The following FRMPD3 variants were observed in gnomAD, a reference collection of about 807,000 sequenced individuals.
The protein encoded by FRMPD3 is FERM and PDZ domain-containing protein 3.
A neutral mutation model predicts 97.9 loss-of-function variants in FRMPD3; 42 were observed. The ratio of observed to expected loss-of-function variants is 0.43; its 90% confidence interval spans 0.34 to 0.55. The LOEUF is 0.55. Among genes scored for constraint, FRMPD3 ranks in the 20% least tolerant of loss-of-function variants. The pLI, the probability that FRMPD3 is intolerant of heterozygous loss-of-function variation, is 0.03. For synonymous variants in FRMPD3, 577 were observed against 581.1 expected (o/e 0.99, Z 0.10); for missense variants, 1,303 against 1,457.7 (o/e 0.89, Z 1.73).
intron 13 of FRMPD3, among the ~76,000 whole-genome samples, chrX:107,592,599 A>C (rs1923957411): frequency 9.0e-6 from 1 of 110,887 alleles, no homozygotes; most frequent in African/African-American, 3.3e-5. Flanking sequence ...ATAAATATGC[A>C]TGTGCAAGTG....
In FRMPD3 at chrX:107,601,576, C is replaced by T; in HGVS notation, c.3537C>T (p.Ser1179=). ...GCCCACTGAGGTCTCAGGCTGCCAG[C>T]CGGCAGGTGAGCACCATGCCCTCTA... is the stretch of plus-strand genomic sequence containing the variant. ...GQSPLRSQAA[S]RQVSTMPSRK... is the part of the protein sequence containing the mutation. The change falls in exon 15 of 15, where the codon AGC becomes AGT. Residue 1179 remains serine (S), a synonymous_variant. Transcript: ENST00000683843. The T allele has an allele frequency of 8.3e-7, 1 of 1,203,436 alleles. No individual in the cohort carries two copies.
At chrX:107,518,760 G>T (rs1769025029) in intron 1 of FRMPD3, among the ~76,000 whole-genome samples, 1 of 112,006 alleles carries the variant, frequency 8.9e-6, no homozygotes, top group Non-Finnish European at 1.9e-5. Flanking sequence ...GAATACAGGG[G>T]CTGCAACAGA....
At chrX:107,572,006 G>A (rs1922909903) in intron 12 of FRMPD3, among the ~76,000 whole-genome samples, 1 of 112,320 alleles carries the variant, frequency 8.9e-6, no homozygotes, top group Admixed American at 9.4e-5. Context: ...TTTCCTCAAA[G>A]TACTTATCAC....
Position 107,471,008 on chromosome X carries a change from C to A in FRMPD3, c.-8+21003C>A, listed in dbSNP as rs186913103. ...ACCTGCCTTTGCTCAGAAAGCCCAG[C>A]GCTATGGGCGTGGCCAGGGAATAAG... On this transcript the variant is annotated intron_variant, in intron 1 of 14. Transcript: ENST00000683843. Among the ~76,000 whole-genome samples, 9 of 112,545 alleles carry A rather than the reference C, an allele frequency of 8.0e-5. No individual in the cohort carries two copies. The East Asian group carries it at 2.5e-3, about 32-fold the overall frequency.
At chrX:107,558,345 G>T (rs1922199533) in intron 8 of FRMPD3, among the ~76,000 whole-genome samples, 1 of 111,066 alleles carries the variant, frequency 9.0e-6, no homozygotes, top group African/African-American at 3.3e-5. Context: ...ATAGAGTTGG[G>T]GTTGGGCATG....
intron 13 of FRMPD3, among the ~76,000 whole-genome samples, chrX:107,591,369 C>A (rs1159935695): frequency 9.0e-6 from 1 of 111,293 alleles, no homozygotes; most frequent in Non-Finnish European, 1.9e-5. Flanking sequence ...GTTGGTTGGG[C>A]TGGTCTTGAA....
In FRMPD3 at chrX:107,449,842, C is replaced by G. The variant is rs1328105384; in HGVS notation, c.-171C>G. 9.2e-6 allele frequency among the ~76,000 whole-genome samples: 1 copy of G among 108,369 alleles called. No homozygotes were observed. Among genetic ancestry groups the G allele is most frequent in the South Asian group, 3.8e-4 (1 of 2,608 alleles). 94.1% of individuals were successfully genotyped at this position (108,369 alleles called of 115,157 possible). On this transcript the variant is annotated 5_prime_UTR_variant, in exon 1 of 15. Transcript: ENST00000683843. Reference sequence around the variant, plus strand: ...AACCTCTGCCCGCCCCGCCGCCCGGCGCCACTGAGCCCCAAGCCCATGCCG... The same window carrying G: ...AACCTCTGCCCGCCCCGCCGCCCGGGGCCACTGAGCCCCAAGCCCATGCCG...
At chrX:107,584,367 C>T (rs1015105926) in intron 13 of FRMPD3, among the ~76,000 whole-genome samples, 1 of 111,194 alleles carries the variant, frequency 9.0e-6, no homozygotes, top group Non-Finnish European at 1.9e-5. Context: ...GGATAGATTG[C>T]AAAAATTTTC....
At position 107,504,168 on chromosome X, in the gene FRMPD3, A is replaced by G. The variant is rs184547279; in HGVS notation, c.-7-22414A>G. 7.5e-3 allele frequency among the ~76,000 whole-genome samples: 844 copies of G among 112,716 alleles called. 3 individuals are homozygous for G. The highest frequency in any genetic ancestry group is 0.024 in the African/African-American group (738 of 31,075). On this transcript the variant is annotated intron_variant, in intron 1 of 14. Coordinates refer to ENST00000683843, the MANE Select transcript of FRMPD3 (RefSeq NM_001388459.1). ...GAACAGGCTCTGAGACTGCCAAGGG[A>G]GGCTGGGTGTGGAGTCTGTCTGTTC... is the stretch of plus-strand genomic sequence containing the variant.
At chrX:107,500,134 A>G (rs1921869501) in intron 1 of FRMPD3, among the ~76,000 whole-genome samples, 1 of 111,924 alleles carries the variant, frequency 8.9e-6, no homozygotes, top group South Asian at 3.8e-4. Context: ...CAGTACAAAT[A>G]CAATATTAAA....
intron 11 of FRMPD3, among the ~76,000 whole-genome samples, chrX:107,563,972 G>A (rs149416601): frequency 8.9e-6 from 1 of 112,279 alleles, no homozygotes; most frequent in African/African-American, 3.2e-5. Context: ...TTGGATCCAG[G>A]TGCTTGTCTT....
intron 4 of FRMPD3, among the ~76,000 whole-genome samples, chrX:107,544,189 A>T (rs1921466823): frequency 1.8e-5 from 2 of 111,612 alleles, no homozygotes; most frequent in Admixed American, 9.6e-5. Context: ...AATCTAAAAA[A>T]GTCAAAATCA....
rs200603599 is a variant in FRMPD3, at chrX:107,582,864, TATTA to T, written c.1441+6409_1441+6412del. 2.8e-3 allele frequency among the ~76,000 whole-genome samples: 310 copies of T among 112,077 alleles called. 3 individuals are homozygous for T. The East Asian group carries it at 0.057, about 21-fold the overall frequency. The stretch of plus-strand genomic sequence containing the variant: ...TTATTCTGGGTCTCTTGTGATTCTA[TATTA>T]ATTCTTGAATTAGCTGTTAATTTTG... On this transcript the variant is annotated intron_variant, in intron 13 of 14. Coordinates refer to ENST00000683843, the MANE Select transcript of FRMPD3 (RefSeq NM_001388459.1).
At chrX:107,457,861 C>CT (rs1307223158) in intron 1 of FRMPD3, among the ~76,000 whole-genome samples, 1 of 111,831 alleles carries the variant, frequency 8.9e-6, no homozygotes. Context: ...TTTCTTCTTG[C>CT]TTTTTCTTCT....
chrX:107,588,972 C>T lies in FRMPD3; in HGVS notation c.1442-8349C>T, dbSNP rs375093031. Among the ~76,000 whole-genome samples, 91 of 111,795 alleles carry T rather than the reference C, an allele frequency of 8.1e-4. 1 individual carries two copies. In the South Asian group the frequency reaches 0.032, roughly 40 times the overall value. ...CTAAACTGATTCTAGTTAGCAGCTC[C>T]TCTAACCTTTTATCAAGGTTCTTAG... On this transcript the variant is annotated intron_variant, in intron 13 of 14. Coordinates refer to ENST00000683843, the MANE Select transcript of FRMPD3 (RefSeq NM_001388459.1).
intron 12 of FRMPD3, among the ~76,000 whole-genome samples, chrX:107,570,503 T>C (rs1230688293): frequency 9.0e-6 from 1 of 111,098 alleles, no homozygotes; most frequent in Non-Finnish European, 1.9e-5. Flanking sequence ...TCCCAGACCA[T>C]TTAAAATAAG....
chrX:107,480,761 G>A (rs1274007335), intron 1 of FRMPD3, among the ~76,000 whole-genome samples: 3 of 103,848 alleles, frequency 2.9e-5, no homozygotes, highest in Admixed American at 1.0e-4. Flanking sequence ...CCCGGGGGGC[G>A]GAGGTTGCAG....
rs1203795238 is a variant in FRMPD3, at chrX:107,603,224, C to T, written c.5185C>T (p.Gln1729Ter). ...QQQQQQQQQQ[Q>*]QQQQQQQQQQ... ...GCAACAACAACAGCAGCAGCAGCAACAACAACAGCAGCAGCAACAACAACA... is the reference window on the plus strand; with the variant it reads ...GCAACAACAACAGCAGCAGCAGCAATAACAACAGCAGCAGCAACAACAACA... Residue 1729 changes from glutamine (Q) to a stop codon, truncating the protein, a stop_gained, in exon 15 of 15, where the codon CAA (glutamine) becomes TAA (stop). Transcript: ENST00000683843. LOFTEE classifies it high-confidence loss of function. The T allele has an allele frequency of 2.4e-5, 28 of 1,169,629 alleles. No individual in the cohort carries two copies. Among genetic ancestry groups the T allele is most frequent in the Non-Finnish European group, 3.1e-5 (27 of 874,215 alleles).
rs767797270 is a variant in FRMPD3, at chrX:107,598,106, G to A, written c.2227G>A (p.Glu743Lys). 8 of 1,209,681 alleles carry A rather than the reference G, an allele frequency of 6.6e-6. No homozygotes were observed. Among genetic ancestry groups the A allele is most frequent in the Non-Finnish European group, 8.9e-6 (8 of 894,530 alleles). Residue 743 changes from glutamate (E) to lysine (K), a missense_variant, in exon 14 of 15, where the codon GAG becomes AAG. By Grantham distance (56) the Glu-to-Lys change is moderately conservative. This residue lies in a region of FRMPD3 where 535 missense variants were observed against 618.6 expected (regional missense o/e 0.86). Transcript: ENST00000683843. Reference sequence around the variant, plus strand: ...GGCTCTAGAAGCCCTGGCTGCATCCGAGGATGGACCACACCCACCACCCCC... The same window carrying A: ...GGCTCTAGAAGCCCTGGCTGCATCCAAGGATGGACCACACCCACCACCCCC... ...LQALEALAAS[E>K]DGPHPPPPQT... is the part of the protein sequence containing the mutation.
Sources: allele counts gnomAD v4.1 joint callset (sites outside exome capture counted in the v4.1 genomes callset), GRCh38; gene constraint gnomAD v4.1.1; regional missense constraint gnomAD v4.1.1; transcripts MANE v1.5; gene names NCBI Gene and HGNC (gene_info 2026-07-23, HGNC 2026-07-21).